ADARB2: variants seen among roughly 807,000 people sequenced by gnomAD.
ADARB2 encodes adenosine deaminase RNA specific B2 (inactive), also known as inactive double-stranded RNA-specific editase B2.
In ADARB2, 25 loss-of-function variants were observed where a neutral mutation model predicts 62.2. That is an observed-to-expected ratio of 0.40 (90% confidence interval 0.29 to 0.56). The LOEUF (loss-of-function observed/expected upper bound fraction) is 0.56, where lower values mean the gene tolerates loss of function less well. Ranked by LOEUF, ADARB2 falls within the 20% of genes least tolerant of loss-of-function variation. The pLI is 0.43. For synonymous variants in ADARB2, 572 were observed against 500.8 expected, an observed-to-expected ratio of 1.14 and a Z score of -1.90; for missense variants, 1,071 against 1,077.4, an observed-to-expected ratio of 0.99 and a Z score of 0.08.
At chr10:1,405,264 C>T (rs558070824) in intron 1 of ADARB2, among the ~76,000 whole-genome samples, 7 of 152,292 alleles carry the variant, frequency 4.6e-5, no homozygotes, top group African/African-American at 1.7e-4. Flanking sequence ...TTGATTTAGA[C>T]ATGTTCCCTC....
At chr10:1,185,102 G>C (rs912807192) in intron 8 of ADARB2, 63 bp from the exon 9 acceptor site, 1 of 1,539,414 alleles carries the variant, frequency 6.5e-7, no homozygotes. Flanking sequence ...GCTCCCCCAA[G>C]GGCAGCTGCG....
chr10:1,247,587 G>A (rs574344670), intron 4 of ADARB2, among the ~76,000 whole-genome samples: 54 of 152,268 alleles, frequency 3.5e-4, no homozygotes, highest in African/African-American at 1.1e-3. Flanking sequence ...TCTCCCCTCG[G>A]TGCCATGAGG....
rs75032341 is a variant in ADARB2 at position 1,282,396 on chromosome 10, G to C, written c.1078-11327C>G. Among the ~76,000 whole-genome samples the C allele has an allele frequency of 3.0e-3, 458 of 152,270 alleles. 2 individuals are homozygous for C. The highest frequency in any genetic ancestry group is 0.011 in the African/African-American group (438 of 41,548). ...CAGAACTGTGTCTACTGTGCCACAGGTATTTTAAGTGATTGGTTTTTAATT... is the reference window on the plus strand; with the variant it reads ...CAGAACTGTGTCTACTGTGCCACAGCTATTTTAAGTGATTGGTTTTTAATT... On this transcript the variant is annotated intron_variant, in intron 3 of 9. Transcript: ENST00000381312.
intron 1 of ADARB2, among the ~76,000 whole-genome samples, chr10:1,497,637 C>T (rs1362107123): frequency 6.6e-6 from 1 of 152,114 alleles, no homozygotes; most frequent in Non-Finnish European, 1.5e-5. Flanking sequence ...ATCAGTTATG[C>T]TTTTTATACA....
chr10:1,256,774 T>C (rs539726737), intron 4 of ADARB2, among the ~76,000 whole-genome samples: 2 of 152,322 alleles, frequency 1.3e-5, no homozygotes, highest in East Asian at 3.9e-4. Context: ...ACAAACGCTT[T>C]GCAATTAATA....
chr10:1,354,862 G>A (rs1351032081), intron 3 of ADARB2, among the ~76,000 whole-genome samples: 3 of 152,218 alleles, frequency 2.0e-5, no homozygotes, highest in African/African-American at 7.2e-5. Flanking sequence ...GTCTACCCCA[G>A]GGAGGCTGTA....
chr10:1,567,562 C>G (rs1190469902), intron 1 of ADARB2, among the ~76,000 whole-genome samples: 1 of 152,184 alleles, frequency 6.6e-6, no homozygotes, highest in East Asian at 1.9e-4. Flanking sequence ...AAAGGACGGT[C>G]AGCCCCTGCC....
At chr10:1,277,827 C>T (rs1193372566) in intron 3 of ADARB2, among the ~76,000 whole-genome samples, 1 of 152,210 alleles carries the variant, frequency 6.6e-6, no homozygotes, top group Non-Finnish European at 1.5e-5. Flanking sequence ...ACCAATATCC[C>T]TGATGAACAT....
chr10:1,617,479 C>A (rs368532568), intron 1 of ADARB2, among the ~76,000 whole-genome samples: 3,633 of 84,268 alleles, frequency 0.043, 11 homozygotes, highest in African/African-American at 0.16. Flanking sequence ...TGTTTGTGTG[C>A]CCGTCCAGAC....
chr10:1,593,881 A>T (rs1833299386), intron 1 of ADARB2, among the ~76,000 whole-genome samples: 1 of 152,146 alleles, frequency 6.6e-6, no homozygotes, highest in Admixed American at 6.5e-5. Flanking sequence ...ATGATATGTG[A>T]AGTGCTTCTA....
intron 1 of ADARB2, among the ~76,000 whole-genome samples, chr10:1,458,204 G>T (rs1001713007): frequency 1.3e-5 from 2 of 152,118 alleles, no homozygotes; most frequent in African/African-American, 4.8e-5. Context: ...ACCTCTGGAG[G>T]TCTCCGCAGG....
At chr10:1,645,032 T>C (rs1834022090) in intron 1 of ADARB2, among the ~76,000 whole-genome samples, 1 of 152,194 alleles carries the variant, frequency 6.6e-6, no homozygotes, top group African/African-American at 2.4e-5. Context: ...GTGGTCAGTG[T>C]ATATAAAAGG....
At chr10:1,185,292 G>A (rs1227933490) in intron 8 of ADARB2, among the ~76,000 whole-genome samples, 1 of 152,230 alleles carries the variant, frequency 6.6e-6, no homozygotes, top group Non-Finnish European at 1.5e-5. Context: ...TAATAGTCTG[G>A]TGATAATATA....
intron 8 of ADARB2, among the ~76,000 whole-genome samples, chr10:1,196,754 T>C (rs981428643): frequency 6.6e-6 from 1 of 152,162 alleles, no homozygotes; most frequent in African/African-American, 2.4e-5. Flanking sequence ...GATATTAGGA[T>C]TTCTTTTCTT....
intron 1 of ADARB2, among the ~76,000 whole-genome samples, chr10:1,598,319 G>A (rs556093334): frequency 6.6e-6 from 1 of 151,830 alleles, no homozygotes; most frequent in South Asian, 2.1e-4. Flanking sequence ...CCCCTGCTGG[G>A]TGCCCTGCTC....
chr10:1,198,317 G>A (rs1343470087), intron 8 of ADARB2, among the ~76,000 whole-genome samples: 2 of 152,178 alleles, frequency 1.3e-5, no homozygotes, highest in Admixed American at 6.5e-5. Flanking sequence ...TCTGCAAACT[G>A]ACCTTGAGGG....
chr10:1,544,956 TACAC>T (rs1554770300), intron 1 of ADARB2, among the ~76,000 whole-genome samples: 6 of 133,846 alleles, frequency 4.5e-5, no homozygotes, highest in African/African-American at 8.2e-5. Context: ...TAGCAAAGTA[TACAC>T]ACACACACAC....
intron 3 of ADARB2, among the ~76,000 whole-genome samples, chr10:1,315,686 C>G (rs1389952164): frequency 6.6e-6 from 1 of 152,212 alleles, no homozygotes; most frequent in Non-Finnish European, 1.5e-5. Context: ...GTGAAGACGC[C>G]CCTTCCCTAT....
At chr10:1,392,568 T>A (rs1227160082) in intron 1 of ADARB2, among the ~76,000 whole-genome samples, 1 of 152,082 alleles carries the variant, frequency 6.6e-6, no homozygotes, top group East Asian at 1.9e-4. Context: ...AGGAGTAACA[T>A]TGCAGACGAA....
Sources: allele counts gnomAD v4.1 joint callset (sites outside exome capture counted in the v4.1 genomes callset), GRCh38; gene constraint gnomAD v4.1.1; transcripts MANE v1.5; gene names NCBI Gene and HGNC (gene_info 2026-07-23, HGNC 2026-07-21).